CHSY3: variants seen among roughly 807,000 people sequenced by gnomAD.
CHSY3 encodes chondroitin sulfate synthase 3.
A neutral mutation model predicts 67.2 loss-of-function variants in CHSY3; 35 were observed. The observed-to-expected ratio is 0.52, with a 90% CI of 0.40 to 0.69. The LOEUF (loss-of-function observed/expected upper bound fraction) is 0.69. Ranked by LOEUF, CHSY3 falls within the 30% of genes least tolerant of loss-of-function variation. CHSY3 has a pLI of 0.00. For missense variants in CHSY3, 1,069 were observed against 1,138.5 expected (o/e 0.94, Z 0.88); for synonymous variants, 474 against 434.7 (o/e 1.09, Z -1.12).
intron 2 of CHSY3, among the ~76,000 whole-genome samples, chr5:129,931,823 G>A (rs1003474488): frequency 6.6e-6 from 1 of 151,976 alleles, no homozygotes; most frequent in Admixed American, 6.6e-5. Flanking sequence ...ATGGATGAAA[G>A]TCCTCCCCAT....
intron 2 of CHSY3, among the ~76,000 whole-genome samples, chr5:129,954,882 T>A (rs1246152130): frequency 2.0e-5 from 3 of 152,226 alleles, no homozygotes; most frequent in East Asian, 3.9e-4. Context: ...TATATATATT[T>A]TTTTGAGATG....
At chr5:130,029,240 A>G (rs1270693707) in intron 2 of CHSY3, among the ~76,000 whole-genome samples, 1 of 152,174 alleles carries the variant, frequency 6.6e-6, no homozygotes, top group Non-Finnish European at 1.5e-5. Context: ...TGTGAAAACA[A>G]TAACTACTGT....
chr5:129,984,919 A>G (rs1254901004), intron 2 of CHSY3, among the ~76,000 whole-genome samples: 1 of 152,104 alleles, frequency 6.6e-6, no homozygotes, highest in Non-Finnish European at 1.5e-5. Context: ...AGTTGTGGAT[A>G]TTAGACCTTT....
intron 2 of CHSY3, among the ~76,000 whole-genome samples, chr5:130,127,265 T>C (rs1768324567): frequency 6.6e-6 from 1 of 152,212 alleles, no homozygotes; most frequent in Non-Finnish European, 1.5e-5. Context: ...ATACCAATAA[T>C]ATTTCCAAAT....
intron 2 of CHSY3, among the ~76,000 whole-genome samples, chr5:129,964,674 C>T (rs1193183309): frequency 6.6e-6 from 1 of 151,828 alleles, no homozygotes; most frequent in Admixed American, 6.6e-5. Flanking sequence ...GTGTATATAG[C>T]AAATAGTATG....
intron 2 of CHSY3, among the ~76,000 whole-genome samples, chr5:129,911,572 T>A (rs1477229737): frequency 6.6e-6 from 1 of 152,212 alleles, no homozygotes; most frequent in Non-Finnish European, 1.5e-5. Context: ...GTTATAGATA[T>A]CACGTACTAT....
chr5:130,097,955 G>A (rs553962895), intron 2 of CHSY3, among the ~76,000 whole-genome samples: 1 of 152,122 alleles, frequency 6.6e-6, no homozygotes, highest in Non-Finnish European at 1.5e-5. Flanking sequence ...AGTGAGCCGA[G>A]ATCGCGCCCC....
At chr5:130,092,717 G>T (rs74530349) in intron 2 of CHSY3, among the ~76,000 whole-genome samples, 164 of 152,260 alleles carry the variant, frequency 1.1e-3, no homozygotes, top group African/African-American at 3.2e-3. Context: ...CACAAGTATT[G>T]CCAGGAAAGA....
intron 2 of CHSY3, among the ~76,000 whole-genome samples, chr5:129,993,778 G>A (rs377595939): frequency 6.6e-6 from 1 of 151,822 alleles, no homozygotes; most frequent in South Asian, 2.1e-4. Context: ...TATTTTGCTC[G>A]TTAGTTGATG....
At chr5:130,019,141 GA>G (rs969792514) in intron 2 of CHSY3, among the ~76,000 whole-genome samples, 49 of 108,446 alleles carry the variant, frequency 4.5e-4, no homozygotes, top group East Asian at 9.3e-4. Flanking sequence ...CAATTGTGTA[GA>G]AAAAAATTTT....
At chr5:130,124,948 T>A (rs148727620) in intron 2 of CHSY3, among the ~76,000 whole-genome samples, 218 of 152,324 alleles carry the variant, frequency 1.4e-3, no homozygotes, top group African/African-American at 4.7e-3. Context: ...TTGCTCTCAA[T>A]GCCAGTAAAA....
At chr5:130,095,425 A>C (rs1218599254) in intron 2 of CHSY3, among the ~76,000 whole-genome samples, 1 of 152,216 alleles carries the variant, frequency 6.6e-6, no homozygotes, top group African/African-American at 2.4e-5. Flanking sequence ...GACGAAACCT[A>C]GTGAAAGGAG....
At chr5:130,018,774 G>A (rs1580654251) in intron 2 of CHSY3, among the ~76,000 whole-genome samples, 1 of 152,128 alleles carries the variant, frequency 6.6e-6, no homozygotes, top group Non-Finnish European at 1.5e-5. Context: ...TTGCCTGGTG[G>A]GAGGTTGTTT....
chr5:130,064,082 A>C (rs1044850211), intron 2 of CHSY3, among the ~76,000 whole-genome samples: 1 of 152,268 alleles, frequency 6.6e-6, no homozygotes, highest in South Asian at 2.1e-4. Flanking sequence ...TAATAAAAAA[A>C]GTAGTCACAG....
intron 2 of CHSY3, among the ~76,000 whole-genome samples, chr5:130,045,726 T>C (rs1765128162): frequency 6.6e-6 from 1 of 152,058 alleles, no homozygotes. Flanking sequence ...TTCTTCTAAT[T>C]TGCCTCACTC....
chr5:130,043,094 A>C (rs1765048697), intron 2 of CHSY3, among the ~76,000 whole-genome samples: 1 of 152,182 alleles, frequency 6.6e-6, no homozygotes. Context: ...GTTAAACTCC[A>C]TGTTAACAAG....
intron 2 of CHSY3, among the ~76,000 whole-genome samples, chr5:130,124,631 A>AT (rs1354506281): frequency 3.3e-5 from 5 of 151,868 alleles, no homozygotes; most frequent in Non-Finnish European, 7.4e-5. Flanking sequence ...AATTTTTTTA[A>AT]TTTTTATTAG....
intron 2 of CHSY3, among the ~76,000 whole-genome samples, chr5:130,123,163 T>C (rs1025581708): frequency 6.6e-6 from 1 of 152,178 alleles, no homozygotes; most frequent in African/African-American, 2.4e-5. Context: ...TTTTATATAG[T>C]TGCCACTATG....
chr5:129,979,078 T>C (rs1252748187), intron 2 of CHSY3, among the ~76,000 whole-genome samples: 1 of 151,174 alleles, frequency 6.6e-6, no homozygotes. Context: ...TGGGCGCCTG[T>C]AGTCCCAGCT....
Sources: gnomAD v4.1 joint callset for allele counts (sites outside exome capture counted in the v4.1 genomes callset) on GRCh38, gnomAD v4.1.1 for gene constraint, MANE v1.5 for transcripts, NCBI Gene and HGNC (gene_info 2026-07-23, HGNC 2026-07-21) for gene names.